SHISA9: variants seen among roughly 807,000 people sequenced by gnomAD.
SHISA9 encodes shisa family member 9, also known as protein shisa-9.
Under a neutral mutation model 38.0 loss-of-function variants are expected in SHISA9, and 13 were observed. The observed-to-expected ratio is 0.34, with a 90% CI of 0.22 to 0.54. SHISA9 has a LOEUF of 0.54. Ranked by LOEUF, SHISA9 falls within the 20% of genes least tolerant of loss-of-function variation. The pLI, the probability that SHISA9 is intolerant of heterozygous loss-of-function variation, is 0.91. For missense variants in SHISA9, 538 were observed against 575.8 expected (o/e 0.93, Z 0.67); for synonymous variants, 275 against 242.0 (o/e 1.14, Z -1.27).
At chr16:13,200,258 C>T (rs997207798) in intron 2 of SHISA9, among the ~76,000 whole-genome samples, 1 of 152,054 alleles carries the variant, frequency 6.6e-6, no homozygotes, top group South Asian at 2.1e-4. Flanking sequence ...CATTTAAGTC[C>T]TTTGGTATGT....
At chr16:13,181,048 T>C (rs2050772271) in intron 2 of SHISA9, among the ~76,000 whole-genome samples, 2 of 152,138 alleles carry the variant, frequency 1.3e-5, no homozygotes, top group Admixed American at 1.3e-4. Context: ...AAAATAGATA[T>C]TGTTATTGCA....
intron 2 of SHISA9, among the ~76,000 whole-genome samples, chr16:13,189,258 C>T (rs564078090): frequency 3.3e-5 from 5 of 152,166 alleles, no homozygotes; most frequent in African/African-American, 7.2e-5. Flanking sequence ...TTAGGGAGGT[C>T]GGTTGGTGGG....
At chr16:13,163,445 C>T (rs774939495) in intron 2 of SHISA9, among the ~76,000 whole-genome samples, 17 of 152,122 alleles carry the variant, frequency 1.1e-4, no homozygotes, top group Admixed American at 2.0e-4. Context: ...ATTTTTACTG[C>T]GATTGCATTG....
rs1427949279 is a variant in SHISA9 at position 13,240,321 on chromosome 16, C to T, written c.*4912C>T. On this transcript the variant is annotated 3_prime_UTR_variant, in exon 5 of 5. Coordinates refer to ENST00000558583, the MANE Select transcript of SHISA9 (RefSeq NM_001145204.3). ...TCTTCCTACAATGAAGAAAAAAACA[C>T]ATTTGTTTGTTTTCTAAGAATGTTT... 6.6e-6 allele frequency: 1 copy of T among 152,162 alleles called. No individual in the cohort carries two copies. The highest frequency in any genetic ancestry group is 1.5e-5 in the Non-Finnish European group (1 of 68,030). The allele number at this position is 152,162 out of a possible 1,614,324, so 9.4% of individuals were successfully genotyped here.
the SHISA9 span, among the ~76,000 whole-genome samples, chr16:13,549,107 C>G: frequency 5.3e-5 from 8 of 152,202 alleles, no homozygotes; most frequent in South Asian, 4.2e-4. Flanking sequence ...GTGAAATAAG[C>G]CAGGCACAGA....
At chr16:13,255,546 A>C in the SHISA9 span, among the ~76,000 whole-genome samples, 1 of 152,214 alleles carries the variant, frequency 6.6e-6, no homozygotes, top group Non-Finnish European at 1.5e-5. Flanking sequence ...CAAGTTCAGA[A>C]GGCAGAAGTG....
At chr16:13,472,435 A>G in the SHISA9 span, among the ~76,000 whole-genome samples, 2 of 111,396 alleles carry the variant, frequency 1.8e-5, no homozygotes, top group African/African-American at 3.5e-5. Flanking sequence ...CCTGTCGCCC[A>G]GGCTGGAGTG....
the SHISA9 span, among the ~76,000 whole-genome samples, chr16:13,429,817 T>C: frequency 1.3e-5 from 2 of 152,244 alleles, no homozygotes; most frequent in African/African-American, 4.8e-5. Flanking sequence ...ATAAAGATGA[T>C]ATTTGCCGTT....
At chr16:13,395,912 G>A in the SHISA9 span, among the ~76,000 whole-genome samples, 1 of 152,284 alleles carries the variant, frequency 6.6e-6, no homozygotes, top group Non-Finnish European at 1.5e-5. Context: ...TAGGTAACGT[G>A]TTCAGGGTCA....
chr16:13,192,011 G>A (rs1364165819), intron 2 of SHISA9, among the ~76,000 whole-genome samples: 1 of 152,052 alleles, frequency 6.6e-6, no homozygotes, highest in Admixed American at 6.5e-5. Context: ...AAGAAAATGT[G>A]GTATATACAC....
At chr16:13,150,308 A>G (rs1247504167) in intron 2 of SHISA9, among the ~76,000 whole-genome samples, 5 of 152,030 alleles carry the variant, frequency 3.3e-5, no homozygotes, top group Non-Finnish European at 7.4e-5. Context: ...TTTCAAGAGG[A>G]AGCTCAAATG....
chr16:13,469,545 C>G, the SHISA9 span, among the ~76,000 whole-genome samples: 503 of 152,288 alleles, frequency 3.3e-3, 1 homozygote, highest in African/African-American at 0.011. Context: ...ATCTCATCTT[C>G]TTCTATCCTA....
chr16:13,468,392 C>G, the SHISA9 span, among the ~76,000 whole-genome samples: 1 of 152,086 alleles, frequency 6.6e-6, no homozygotes, highest in African/African-American at 2.4e-5. Context: ...GGTGCCTATG[C>G]TTTTTCTTCC....
the SHISA9 span, among the ~76,000 whole-genome samples, chr16:13,253,502 C>A: frequency 6.4e-4 from 97 of 152,246 alleles, no homozygotes; most frequent in Non-Finnish European, 1.2e-3. Context: ...CTGGGGAGGC[C>A]TCACAATCAT....
intron 2 of SHISA9, among the ~76,000 whole-genome samples, chr16:13,117,749 A>G (rs2074044997): frequency 6.6e-6 from 1 of 152,194 alleles, no homozygotes. Context: ...AACTGAGAGG[A>G]AAAAAGTTCT....
chr16:13,182,719 GA>G (rs1490849416), intron 2 of SHISA9, among the ~76,000 whole-genome samples: 2 of 152,130 alleles, frequency 1.3e-5, no homozygotes, highest in African/African-American at 4.8e-5. Flanking sequence ...CCACTAGGTG[GA>G]AAAAACGTCA....
At chr16:13,062,414 A>T (rs2073386774) in intron 2 of SHISA9, among the ~76,000 whole-genome samples, 1 of 152,128 alleles carries the variant, frequency 6.6e-6, no homozygotes, top group Non-Finnish European at 1.5e-5. Flanking sequence ...TACAGTGGAC[A>T]TTGCTGTGTG....
chr16:13,056,333 G>A (rs186113262), intron 2 of SHISA9, among the ~76,000 whole-genome samples: 1 of 152,158 alleles, frequency 6.6e-6, no homozygotes, highest in South Asian at 2.1e-4. Flanking sequence ...GGCAAACTAT[G>A]GTTTGTCTAG....
chr16:13,320,494 A>G, the SHISA9 span, among the ~76,000 whole-genome samples: 1 of 152,066 alleles, frequency 6.6e-6, no homozygotes, highest in Non-Finnish European at 1.5e-5. Flanking sequence ...CTTAAAGAAG[A>G]TAATCCATGC....
Sources: allele counts gnomAD v4.1 joint callset (sites outside exome capture counted in the v4.1 genomes callset), GRCh38; gene constraint gnomAD v4.1.1; transcripts MANE v1.5; gene names NCBI Gene and HGNC (gene_info 2026-07-23, HGNC 2026-07-21).